The following ZNF248 variants were observed in gnomAD, a reference collection of about 807,000 sequenced individuals.
The protein encoded by ZNF248 is KRAB protein domain.
In ZNF248, 20 loss-of-function variants were observed where a neutral mutation model predicts 44.3. That is an observed-to-expected ratio of 0.45 (90% confidence interval 0.32 to 0.66). The LOEUF (loss-of-function observed/expected upper bound fraction) is 0.66. Ranked by LOEUF, ZNF248 falls within the 30% of genes least tolerant of loss-of-function variation. ZNF248 has a pLI of 0.04. For synonymous variants in ZNF248, 224 were observed against 229.0 expected (o/e 0.98, Z 0.20); for missense variants, 654 against 677.0 (o/e 0.97, Z 0.38).
In ZNF248 at chr10:37,844,514, T is replaced by C. The variant is rs2058930144; in HGVS notation, c.16-6403A>G. Among the ~76,000 whole-genome samples, 4 of 152,194 alleles carry C rather than the reference T, an allele frequency of 2.6e-5. No homozygotes were observed. The South Asian group carries it at 8.3e-4, about 31-fold the overall frequency. Reference sequence around the variant, plus strand: ...CCAATCTTTATTTCCTAAAGGAGTTTAGGAAAATGCATACACAGTAATTAT... The same window carrying C: ...CCAATCTTTATTTCCTAAAGGAGTTCAGGAAAATGCATACACAGTAATTAT... On this transcript the variant is annotated intron_variant, in intron 3 of 5. Coordinates refer to ENST00000395867, the MANE Select transcript of ZNF248 (RefSeq NM_021045.3).
At chr10:37,759,493 T>C in the ZNF248 span, among the ~76,000 whole-genome samples, 1 of 152,178 alleles carries the variant, frequency 6.6e-6, no homozygotes, top group Non-Finnish European at 1.5e-5. Flanking sequence ...GCAGGGGATG[T>C]GTTCCAGAGC....
rs1394499361 is a variant in ZNF248, at chr10:37,832,242, C to A, written c.1113G>T (p.Arg371=). ...FSKKSHLTQL[R]RAHTGEKTFE... is the part of the protein sequence containing the mutation. ...AGGTTTTTTCTCCTGTGTGAGCTCT[C>A]CGAAGCTGGGTAAGATGTGACTTCT... Residue 371 remains arginine (R), a synonymous_variant, in exon 6 of 6, where the codon CGG becomes CGT. Coordinates refer to ENST00000395867, the MANE Select transcript of ZNF248 (RefSeq NM_021045.3). 1.9e-6 allele frequency: 3 copies of A among 1,614,040 alleles called. No individual in the cohort carries two copies. The South Asian group carries it at 3.3e-5, about 18-fold the overall frequency.
chr10:37,762,572 G>A, the ZNF248 span, among the ~76,000 whole-genome samples: 2 of 152,138 alleles, frequency 1.3e-5, no homozygotes, highest in Admixed American at 6.6e-5. Context: ...TGGGGGATGG[G>A]GGGTTAAGAA....
At chr10:37,806,275 A>AT (rs925214320) in intron 6 of ZNF248, among the ~76,000 whole-genome samples, 29 of 152,232 alleles carry the variant, frequency 1.9e-4, no homozygotes, top group African/African-American at 6.5e-4. Context: ...AGCAACTGCC[A>AT]TAATAGCTGC....
chr10:37,820,944 C>T (rs2053364581), intron 6 of ZNF248: 1 of 1,595,706 alleles, frequency 6.3e-7, no homozygotes, highest in African/African-American at 1.3e-5. Context: ...CCAATAATTC[C>T]TGCCGTCGTG....
intron 3 of ZNF248, among the ~76,000 whole-genome samples, chr10:37,841,417 T>G (rs9417267): frequency 0.13 from 19,452 of 151,566 alleles, 1,344 homozygotes; most frequent in Admixed American, 0.19. Context: ...TTGTTGTCCT[T>G]CTTTCATGCA....
chr10:37,808,246 T>C (rs1335238503), intron 6 of ZNF248, among the ~76,000 whole-genome samples: 2 of 151,918 alleles, frequency 1.3e-5, no homozygotes, highest in Middle Eastern at 3.2e-3. Context: ...TTTTTTCTTA[T>C]TCCTGCTTGG....
intron 6 of ZNF248, chr10:37,795,770 C>T (rs1027576459): frequency 1.3e-5 from 2 of 152,136 alleles, no homozygotes; most frequent in Non-Finnish European, 2.9e-5. Flanking sequence ...AAATATATTT[C>T]AAATTTTTAT....
At chr10:37,790,485 G>C (rs1268425836) in intron 6 of ZNF248, among the ~76,000 whole-genome samples, 2 of 152,056 alleles carry the variant, frequency 1.3e-5, no homozygotes, top group Admixed American at 6.5e-5. Flanking sequence ...GCTGAGACGG[G>C]CAGATCACGA....
chr10:37,774,410 T>A (rs2046421322), downstream of ZNF248, among the ~76,000 whole-genome samples: 1 of 152,192 alleles, frequency 6.6e-6, no homozygotes. Flanking sequence ...TAAATTCACC[T>A]TTTGTGTTTC....
chr10:37,771,733 C>T (rs1286821509), downstream of ZNF248, among the ~76,000 whole-genome samples: 1 of 151,916 alleles, frequency 6.6e-6, no homozygotes, highest in Non-Finnish European at 1.5e-5. Context: ...ATGTAACAAA[C>T]CTGCACATTG....
chr10:37,770,194 C>T, the ZNF248 span, among the ~76,000 whole-genome samples: 2 of 152,164 alleles, frequency 1.3e-5, no homozygotes, highest in Non-Finnish European at 2.9e-5. Context: ...AATGGCCATA[C>T]TGCCCAAGGT....
At chr10:37,761,321 G>A in the ZNF248 span, among the ~76,000 whole-genome samples, 3 of 152,156 alleles carry the variant, frequency 2.0e-5, no homozygotes, top group Non-Finnish European at 4.4e-5. Flanking sequence ...AGAGGGATGG[G>A]GTGCTGAGAA....
downstream of ZNF248, among the ~76,000 whole-genome samples, chr10:37,828,396 C>T (rs558233482): frequency 6.6e-6 from 1 of 152,102 alleles, no homozygotes; most frequent in African/African-American, 2.4e-5. Context: ...GTGTTGTGGA[C>T]TGACTTTCAA....
chr10:37,802,430 A>G (rs1279286771), intron 6 of ZNF248, among the ~76,000 whole-genome samples: 1 of 152,144 alleles, frequency 6.6e-6, no homozygotes, highest in Non-Finnish European at 1.5e-5. Context: ...GTCCATGCTG[A>G]CTCTGACAGG....
chr10:37,781,806 A>C (rs1233889397), intron 6 of ZNF248, among the ~76,000 whole-genome samples: 2 of 152,212 alleles, frequency 1.3e-5, no homozygotes, highest in Admixed American at 6.5e-5. Flanking sequence ...CAGTCTGTAC[A>C]GCTTGTTGAA....
chr10:37,785,075 G>A (rs911383369), intron 6 of ZNF248, among the ~76,000 whole-genome samples: 1 of 152,144 alleles, frequency 6.6e-6, no homozygotes, highest in Non-Finnish European at 1.5e-5. Flanking sequence ...CTTGGAGGAA[G>A]GCCAGTTTTG....
Position 37,830,483 on chromosome 10 carries a change from T to C in ZNF248, c.*1132A>G. ...ACAGATTCAGAGGTAGTTAAAAACC[T>C]CACGGAAATATTTTTGGCTTCTTTC... On this transcript the variant is annotated 3_prime_UTR_variant, in exon 6 of 6. Transcript: ENST00000395867. 1.0e-6 allele frequency: 1 copy of C among 985,384 alleles called. No homozygotes were observed. The highest frequency in any genetic ancestry group is 1.2e-6 in the Non-Finnish European group (1 of 829,920). The allele number at this position is 985,384 out of a possible 1,614,324, so 61.0% of individuals were successfully genotyped here.
the ZNF248 span, among the ~76,000 whole-genome samples, chr10:37,771,300 C>T: frequency 5.9e-5 from 9 of 152,264 alleles, no homozygotes; most frequent in East Asian, 1.4e-3. Flanking sequence ...ATAAATCATG[C>T]TGCTATAAAG....
Sources: allele counts gnomAD v4.1 joint callset (sites outside exome capture counted in the v4.1 genomes callset), GRCh38; gene constraint gnomAD v4.1.1; transcripts MANE v1.5; gene names NCBI Gene and HGNC (gene_info 2026-07-23, HGNC 2026-07-21).